The following JCAD variants were observed in gnomAD, a reference collection of about 807,000 sequenced individuals.
JCAD encodes junctional cadherin 5-associated protein.
JCAD carries 40 observed loss-of-function variants against 98.0 expected under a neutral mutation model. The observed-to-expected ratio is 0.41, with a 90% CI of 0.32 to 0.53. The LOEUF (loss-of-function observed/expected upper bound fraction) is 0.53, where lower values mean the gene tolerates loss of function less well. Among genes scored for constraint, JCAD ranks in the 20% least tolerant of loss-of-function variants. The pLI is 0.31. For missense variants in JCAD, 1,705 were observed against 1,738.1 expected (o/e 0.98, Z 0.34); for synonymous variants, 691 against 682.3 (o/e 1.01, Z -0.20).
chr10:30,023,552 C>A (rs1219019741), intron 3 of JCAD, among the ~76,000 whole-genome samples: 1 of 152,132 alleles, frequency 6.6e-6, no homozygotes, highest in Non-Finnish European at 1.5e-5. Context: ...GCTAATGATG[C>A]ATTTCTCAGA....
chr10:30,079,660 C>T (rs966810063), intron 1 of JCAD, among the ~76,000 whole-genome samples: 14 of 152,052 alleles, frequency 9.2e-5, no homozygotes, highest in South Asian at 2.1e-4. Context: ...TGACACACAA[C>T]GTGGCCACTC....
At position 30,053,305 on chromosome 10, in the gene JCAD, G is replaced by C. The variant is rs1837505700; in HGVS notation, c.-59-5434C>G. 1.3e-5 allele frequency among the ~76,000 whole-genome samples: 2 copies of C among 152,046 alleles called. 1 individual carries two copies. Among genetic ancestry groups the C allele is most frequent in the African/African-American group, 4.8e-5 (2 of 41,404 alleles). On this transcript the variant is annotated intron_variant, in intron 1 of 3. Coordinates refer to ENST00000375377, the MANE Select transcript of JCAD (RefSeq NM_020848.4). ...GCCAGGTTCACTGGCTCACACCTTTGATCCCAGCATTTTGGGAGGCTGAGG... is the reference window on the plus strand; with the variant it reads ...GCCAGGTTCACTGGCTCACACCTTTCATCCCAGCATTTTGGGAGGCTGAGG...
At chr10:30,111,511 T>C (rs1838702000) in intron 1 of JCAD, among the ~76,000 whole-genome samples, 1 of 152,208 alleles carries the variant, frequency 6.6e-6, no homozygotes, top group Non-Finnish European at 1.5e-5. Context: ...GATGCAATAG[T>C]AGACAGAATC....
chr10:30,057,428 C>T (rs915957685), intron 1 of JCAD, among the ~76,000 whole-genome samples: 3 of 152,116 alleles, frequency 2.0e-5, no homozygotes, highest in African/African-American at 7.2e-5. Context: ...TGTGTACCTC[C>T]AACCCTGCTA....
chr10:30,062,097 C>T (rs1837710661), upstream of JCAD, among the ~76,000 whole-genome samples: 1 of 152,140 alleles, frequency 6.6e-6, no homozygotes, highest in African/African-American at 2.4e-5. Flanking sequence ...TGCAGTAAAT[C>T]AGAAAACAAC....
intron 3 of JCAD, among the ~76,000 whole-genome samples, chr10:30,023,594 C>T (rs1022904499): frequency 6.6e-6 from 1 of 152,114 alleles, no homozygotes; most frequent in African/African-American, 2.4e-5. Context: ...CATGACTGTA[C>T]TTGAAAATGC....
At chr10:30,059,988 GCA>G (rs1465504785), upstream of JCAD, among the ~76,000 whole-genome samples, 2 of 151,890 alleles carry the variant, frequency 1.3e-5, no homozygotes, top group South Asian at 2.1e-4. This position sits in a 1 kb window ranked among gnomAD's most constrained non-coding sequence, Gnocchi z 5.0. Flanking sequence ...ACAGACAAGT[GCA>G]CACACACTCA....
intron 1 of JCAD, among the ~76,000 whole-genome samples, chr10:30,109,391 T>G (rs543227203): frequency 8.0e-4 from 122 of 152,330 alleles, no homozygotes; most frequent in African/African-American, 2.9e-3. Flanking sequence ...ATCTAGTTAA[T>G]GGTGCCACCA....
intron 1 of JCAD, among the ~76,000 whole-genome samples, chr10:30,104,032 G>A (rs760768202): frequency 6.6e-6 from 1 of 152,176 alleles, no homozygotes; most frequent in Non-Finnish European, 1.5e-5. Flanking sequence ...AGTTTGAATA[G>A]TTCTGGTTGG....
chr10:30,072,460 T>C (rs1219751013), intron 1 of JCAD, among the ~76,000 whole-genome samples: 1 of 152,162 alleles, frequency 6.6e-6, no homozygotes, highest in Non-Finnish European at 1.5e-5. Context: ...TCACACCAGA[T>C]TGCAAGTTCT....
chr10:30,034,976 A>T lies in JCAD; in HGVS notation c.282-5110T>A, dbSNP rs571808760. On this transcript the variant is annotated intron_variant, in intron 2 of 3. Transcript: ENST00000375377. ...TTATGAAGCACCGTTCTCATTCCTG[A>T]CAGTCCTGTGAACGCTTTCCTGGAT... Among the ~76,000 whole-genome samples, 16 of 152,232 alleles carry T rather than the reference A, an allele frequency of 1.1e-4. No individual in the cohort carries two copies. The South Asian group carries it at 2.9e-3, about 28-fold the overall frequency.
At chr10:30,088,349 G>T (rs191205620) in intron 1 of JCAD, among the ~76,000 whole-genome samples, 136 of 152,236 alleles carry the variant, frequency 8.9e-4, no homozygotes, top group Non-Finnish European at 1.7e-3. Flanking sequence ...GTCACCCTAG[G>T]AGTTCCAGAA....
upstream of JCAD, among the ~76,000 whole-genome samples, chr10:30,064,427 C>A (rs776458131): frequency 6.6e-5 from 10 of 152,138 alleles, no homozygotes; most frequent in Non-Finnish European, 1.3e-4. Flanking sequence ...AAGTAAATTT[C>A]TTTTCTCTAT....
chr10:30,039,260 A>C (rs978138746), intron 2 of JCAD, among the ~76,000 whole-genome samples: 1 of 152,210 alleles, frequency 6.6e-6, no homozygotes, highest in African/African-American at 2.4e-5. Flanking sequence ...GCCACCCCTG[A>C]GGGTGTTGTC....
At chr10:30,101,744 G>A (rs1838473694) in intron 1 of JCAD, among the ~76,000 whole-genome samples, 1 of 151,934 alleles carries the variant, frequency 6.6e-6, no homozygotes, top group African/African-American at 2.4e-5. Flanking sequence ...TTTTATTTTT[G>A]GTTCATAGTC....
intron 1 of JCAD, among the ~76,000 whole-genome samples, chr10:30,083,349 G>A (rs143875947): frequency 6.6e-6 from 1 of 152,126 alleles, no homozygotes; most frequent in African/African-American, 2.4e-5. Flanking sequence ...TCCATCAAAT[G>A]CTCAGCAGTC....
In JCAD at chr10:30,026,515, G is replaced by C; in HGVS notation, c.3633C>G (p.Pro1211=). The change falls in exon 3 of 4, where the codon CCC becomes CCG. Residue 1211 remains proline, a synonymous_variant. Coordinates refer to ENST00000375377, the MANE Select transcript of JCAD (RefSeq NM_020848.4). ...FEQKDVETKP[P]FRSTLFHFVE... is the part of the protein sequence containing the mutation. ...CAAAATGGAATAAAGTGGACCTGAA[G>C]GGTGGTTTTGTTTCCACATCCTTTT... 1 of 1,614,258 alleles carries C rather than the reference G, an allele frequency of 6.2e-7. No homozygotes were observed. The highest frequency in any genetic ancestry group is 8.5e-7 in the Non-Finnish European group (1 of 1,180,050).
chr10:30,038,087 G>A (rs1837154088), intron 2 of JCAD, among the ~76,000 whole-genome samples: 1 of 152,120 alleles, frequency 6.6e-6, no homozygotes, highest in Non-Finnish European at 1.5e-5. Context: ...ATCATCTTTG[G>A]GTTAGGGCTT....
intron 2 of JCAD, among the ~76,000 whole-genome samples, chr10:30,036,863 T>C (rs1837122525): frequency 6.6e-6 from 1 of 152,254 alleles, no homozygotes; most frequent in African/African-American, 2.4e-5. Context: ...TTCCCAGATC[T>C]GCAGTCTAGC....
Sources: gnomAD v4.1 joint callset for allele counts (sites outside exome capture counted in the v4.1 genomes callset) on GRCh38, gnomAD v4.1.1 for gene constraint, Gnocchi (gnomAD v3.1) non-coding constraint, MANE v1.5 for transcripts, NCBI Gene and HGNC (gene_info 2026-07-23, HGNC 2026-07-21) for gene names.